The following CADPS2 variants were observed in gnomAD, a reference collection of about 807,000 sequenced individuals.
The protein encoded by CADPS2 is calcium dependent secretion activator 2, also known as calcium-dependent secretion activator 2.
In CADPS2, 93 loss-of-function variants were observed where a neutral mutation model predicts 172.5. The observed-to-expected ratio is 0.54, with a 90% CI of 0.46 to 0.64. The LOEUF is 0.64. CADPS2 is among the 30% of genes least tolerant of loss of function. The pLI, the probability that CADPS2 is intolerant of heterozygous loss-of-function variation, is 0.00. For synonymous variants in CADPS2, 546 were observed against 555.2 expected (o/e 0.98, Z 0.23); for missense variants, 1,420 against 1,565.9 (o/e 0.91, Z 1.57).
intron 2 of CADPS2, among the ~76,000 whole-genome samples, chr7:122,717,362 T>C (rs936598368): frequency 6.6e-6 from 1 of 152,068 alleles, no homozygotes; most frequent in Non-Finnish European, 1.5e-5. Context: ...AAAAACCAGA[T>C]TACAAATAAT....
chr7:122,434,724 A>G (rs564019267), intron 17 of CADPS2, among the ~76,000 whole-genome samples: 1 of 152,244 alleles, frequency 6.6e-6, no homozygotes, highest in South Asian at 2.1e-4. Flanking sequence ...ACGTTAAAAA[A>G]TTCAGCGACT....
In CADPS2 at chr7:122,459,243, ATAAT is replaced by A. The variant is rs1192502031; in HGVS notation, c.2187-7772_2187-7769del. 2.0e-5 allele frequency among the ~76,000 whole-genome samples: 3 copies of A among 151,926 alleles called. No individual in the cohort carries two copies. In the East Asian group the frequency reaches 5.8e-4, roughly 29 times the overall value. On this transcript the variant is annotated intron_variant, in intron 14 of 29. Coordinates refer to ENST00000449022, the MANE Select transcript of CADPS2 (RefSeq NM_017954.11). ...TTATATTTCAATATATGGATGTGCC[ATAAT>A]TAATCCAATTATCCATTATTTAGAA...
At chr7:122,553,768 C>G (rs2064636179) in intron 8 of CADPS2, among the ~76,000 whole-genome samples, 2 of 152,128 alleles carry the variant, frequency 1.3e-5, no homozygotes, top group Non-Finnish European at 2.9e-5. Context: ...GCTACTAACT[C>G]AGGGTAAGCC....
chr7:122,501,197 G>A (rs1311022406), intron 9 of CADPS2, among the ~76,000 whole-genome samples: 1 of 152,152 alleles, frequency 6.6e-6, no homozygotes, highest in African/African-American at 2.4e-5. Context: ...CAAGGTGGCA[G>A]TGAGTCATGT....
intron 27 of CADPS2, among the ~76,000 whole-genome samples, chr7:122,351,367 CG>C (rs2038567875): frequency 4.5e-5 from 1 of 22,046 alleles, no homozygotes; most frequent in Non-Finnish European, 7.2e-5. Context: ...AGCGAGACTC[CG>C]TCTCAAAAAA....
At chr7:122,710,281 A>G (rs2136668981) in intron 2 of CADPS2, among the ~76,000 whole-genome samples, 1 of 152,214 alleles carries the variant, frequency 6.6e-6, no homozygotes, top group East Asian at 1.9e-4. Context: ...CACAGATCAC[A>G]AAACCCTTTC....
chr7:122,838,827 C>A (rs1809431999), intron 1 of CADPS2, among the ~76,000 whole-genome samples: 1 of 152,164 alleles, frequency 6.6e-6, no homozygotes, highest in South Asian at 2.1e-4. Context: ...TAGGAAGAAT[C>A]AATATCGTGA....
intron 1 of CADPS2, chr7:122,850,055 C>G (rs1813112780): frequency 7.5e-7 from 1 of 1,327,442 alleles, no homozygotes; most frequent in East Asian, 2.9e-5. Flanking sequence ...ATGATGAAGA[C>G]CTGGGGGCCT....
rs78516677 is a variant in CADPS2 at position 122,355,797 on chromosome 7, T to C, written c.3504+4991A>G. Among the ~76,000 whole-genome samples the C allele has an allele frequency of 2.9e-3, 447 of 152,232 alleles. 2 individuals carry two copies. Among genetic ancestry groups the C allele is most frequent in the African/African-American group, 0.01 (428 of 41,542 alleles). On this transcript the variant is annotated intron_variant, in intron 27 of 29. Transcript: ENST00000449022. ...GCAGTTATGTAGCTTATTCACTCAT[T>C]TTATAGATGACTAGACTGGGGCCAC...
intron 1 of CADPS2, among the ~76,000 whole-genome samples, chr7:122,785,111 T>G (rs1381161103): frequency 2.0e-5 from 3 of 152,196 alleles, no homozygotes; most frequent in Non-Finnish European, 2.9e-5. Context: ...CTACCCTTTT[T>G]CCCTTGTGTT....
intron 2 of CADPS2, among the ~76,000 whole-genome samples, chr7:122,694,949 A>G (rs1308927353): frequency 6.6e-6 from 1 of 152,150 alleles, no homozygotes; most frequent in Non-Finnish European, 1.5e-5. Flanking sequence ...CCCAGTTGAT[A>G]CCTACGTGCT....
At chr7:122,628,795 A>C (rs1314948794) in intron 4 of CADPS2, among the ~76,000 whole-genome samples, 8 of 148,868 alleles carry the variant, frequency 5.4e-5, no homozygotes, top group South Asian at 2.2e-4. Context: ...CTAGATACTT[A>C]AAATAATATT....
At chr7:122,804,489 CAGA>C (rs1357417054) in intron 1 of CADPS2, among the ~76,000 whole-genome samples, 2 of 152,220 alleles carry the variant, frequency 1.3e-5, no homozygotes, top group Non-Finnish European at 2.9e-5. Flanking sequence ...GGTTTAAAGA[CAGA>C]AGATCATTTA....
intron 29 of CADPS2, 89 bp downstream of exon 29, chr7:122,325,388 C>T (rs2033626145): frequency 3.7e-6 from 3 of 801,868 alleles, no homozygotes; most frequent in Non-Finnish European, 6.3e-6. Flanking sequence ...TTTTTAGTTA[C>T]ATCAAATACA....
rs1457592737 is a variant in CADPS2 at position 122,326,729 on chromosome 7, A to C, written c.3613-1148T>G. Among the ~76,000 whole-genome samples, 5 of 152,186 alleles carry C rather than the reference A, an allele frequency of 3.3e-5. No homozygotes were observed. The East Asian group carries it at 9.6e-4, about 29-fold the overall frequency. On this transcript the variant is annotated intron_variant, in intron 28 of 29. Coordinates refer to ENST00000449022, the MANE Select transcript of CADPS2 (RefSeq NM_017954.11). ...ATAAAACCATAAATTCAACTTCTAAAATAAATTTTCACTGATCCAAGTCTG... is the reference window on the plus strand; with the variant it reads ...ATAAAACCATAAATTCAACTTCTAACATAAATTTTCACTGATCCAAGTCTG...
chr7:122,584,931 A>G (rs1447496031), intron 6 of CADPS2, among the ~76,000 whole-genome samples: 2 of 151,988 alleles, frequency 1.3e-5, no homozygotes, highest in African/African-American at 4.8e-5. Context: ...TAAGTTTTCC[A>G]TGAGTGCTCA....
At chr7:122,809,775 T>C (rs1336893739) in intron 1 of CADPS2, among the ~76,000 whole-genome samples, 2 of 152,172 alleles carry the variant, frequency 1.3e-5, no homozygotes, top group Non-Finnish European at 2.9e-5. Context: ...ACCTGGAATG[T>C]ATAAGTTCAT....
intron 14 of CADPS2, among the ~76,000 whole-genome samples, chr7:122,461,657 C>T (rs1264020728): frequency 1.3e-5 from 2 of 151,970 alleles, no homozygotes; most frequent in Non-Finnish European, 2.9e-5. Context: ...TGTAGTGGCG[C>T]CATCTCGGCT....
intron 2 of CADPS2, among the ~76,000 whole-genome samples, chr7:122,720,246 TTTTA>T (rs1427484534): frequency 6.6e-6 from 1 of 151,974 alleles, no homozygotes; most frequent in Non-Finnish European, 1.5e-5. Flanking sequence ...TTAATTACAC[TTTTA>T]GTTATAATTT....
Sources: gnomAD v4.1 joint callset for allele counts (sites outside exome capture counted in the v4.1 genomes callset) on GRCh38, gnomAD v4.1.1 for gene constraint, MANE v1.5 for transcripts, NCBI Gene and HGNC (gene_info 2026-07-23, HGNC 2026-07-21) for gene names.